Variants in TMC6 observed in about 807,000 individuals in gnomAD.
TMC6 encodes the protein transmembrane channel-like protein 6.
Under a neutral mutation model 95.4 loss-of-function variants are expected in TMC6, and 71 were observed. The observed-to-expected ratio is 0.74, with a 90% confidence interval of 0.61 to 0.91. The LOEUF (loss-of-function observed/expected upper bound fraction) is 0.91. Ranked by LOEUF, TMC6 falls within the 40% of genes least tolerant of loss-of-function variation. The pLI is 0.00. For synonymous variants in TMC6, 514 were observed against 483.1 expected (o/e 1.06, Z -0.84); for missense variants, 1,074 against 1,079.1 (o/e 1.00, Z 0.07).
rs909697182 is a variant in TMC6 at position 78,115,522 on chromosome 17, G to A, written c.2277+1747C>T. ...GGCCGTTCCCCAGGGGAGGGGCCTC[G>A]GGGAGGAGGCCAGGCTGGGTAGCCC... On this transcript the variant is annotated intron_variant, in intron 18 of 19. Coordinates refer to ENST00000590602, the MANE Select transcript of TMC6 (RefSeq NM_001127198.5). Among the ~76,000 whole-genome samples, 5 of 152,298 alleles carry A rather than the reference G, an allele frequency of 3.3e-5. No homozygotes were observed. The East Asian group carries it at 5.8e-4, about 18-fold the overall frequency.
Position 78,113,110 on chromosome 17 carries a change from G to A in TMC6, c.*38C>T, listed in dbSNP as rs2073872494. 1.3e-6 allele frequency: 2 copies of A among 1,549,466 alleles called. No individual in the cohort carries two copies. The highest frequency in any genetic ancestry group is 2.0e-5 in the Admixed American group (1 of 50,950). Reference sequence around the variant, plus strand: ...ACTGGGAGGCAACAGTGTGGTCTCAGGGTGCTGGGCGGGCCCGTGAGGCCC... The same window carrying A: ...ACTGGGAGGCAACAGTGTGGTCTCAAGGTGCTGGGCGGGCCCGTGAGGCCC... On this transcript the variant is annotated 3_prime_UTR_variant, in exon 20 of 20. Transcript: ENST00000590602.
In TMC6 at chr17:78,120,600, CCGGCCACT is replaced by C. The variant is rs754941049; in HGVS notation, c.1715+45_1715+52del. On this transcript the variant is annotated intron_variant, in intron 13 of 19. Coordinates refer to ENST00000590602, the MANE Select transcript of TMC6 (RefSeq NM_001127198.5). ...CCTGAGAACCTCCCGGCCACACGTC[CCGGCCACT>C]AAGGGGAGAACACTCACCACCCAGT... is the stretch of plus-strand genomic sequence containing the variant. 70 of 1,600,354 alleles carry C rather than the reference CCGGCCACT, an allele frequency of 4.4e-5. No homozygotes were observed. In the East Asian group the frequency reaches 8.6e-4, roughly 20 times the overall value.
At chr17:78,120,428 G>A (rs1198418330) in intron 13 of TMC6, 1 of 673,556 alleles carries the variant, frequency 1.5e-6, no homozygotes, top group Non-Finnish European at 2.6e-6. Flanking sequence ...CCAAAGTGCT[G>A]GGATTACAGG....
Position 78,126,903 on chromosome 17 carries a change from C to T in TMC6, c.-71G>A, listed in dbSNP as rs917689804. The T allele has an allele frequency of 6.5e-7, 1 of 1,550,030 alleles. No individual in the cohort carries two copies. The highest frequency in any genetic ancestry group is 1.4e-5 in the African/African-American group (1 of 73,222). On this transcript the variant is annotated 5_prime_UTR_variant, in exon 2 of 20. Transcript: ENST00000590602. ...AGCCTGGGCGCCACCTCCGGAGCCC[C>T]CATCTGATGAGACAGGGGCACAGAG...
rs1050851454 is a variant in TMC6, at chr17:78,107,767, CAAG to C, written c.*5378_*5380del. On this transcript the variant is annotated 3_prime_UTR_variant, in exon 20 of 20. Coordinates refer to ENST00000590602, the MANE Select transcript of TMC6 (RefSeq NM_001127198.5). ...TAACTTCTGTTGTCTGGGACGGCAG[CAAG>C]AAGATGCCGGGGCTTGCCTGGAGTC... is the stretch of plus-strand genomic sequence containing the variant. The C allele has an allele frequency of 1.3e-5, 2 of 152,246 alleles. No homozygotes were observed. Among genetic ancestry groups the C allele is most frequent in the African/African-American group, 4.8e-5 (2 of 41,454 alleles). The allele number at this position is 152,246 out of a possible 1,614,324, so 9.4% of individuals were successfully genotyped here.
intron 18 of TMC6, among the ~76,000 whole-genome samples, chr17:78,115,949 G>C (rs2074084595): frequency 6.6e-6 from 1 of 151,744 alleles, no homozygotes; most frequent in Non-Finnish European, 1.5e-5. Context: ...CTGCCGGGTG[G>C]ACAGTACTCC....
In TMC6 at chr17:78,124,686, G is replaced by A; in HGVS notation, c.729C>T (p.Ser243=). Residue 243 remains serine (S), a synonymous_variant, in exon 8 of 20, where the codon TCC becomes TCT. Coordinates refer to ENST00000590602, the MANE Select transcript of TMC6 (RefSeq NM_001127198.5). The part of the protein sequence containing the change: ...ALKRIGGQFG[S]SVLSYFLFLK... Reference sequence around the variant, plus strand: ...GAAAGAGGAAGTAGGAGAGCACGCTGGAGCCGAACTGGCCCCCGATGCGCT... The same window carrying A: ...GAAAGAGGAAGTAGGAGAGCACGCTAGAGCCGAACTGGCCCCCGATGCGCT... 6.2e-7 allele frequency: 1 copy of A among 1,605,616 alleles called. No homozygotes were observed. Among genetic ancestry groups the A allele is most frequent in the Non-Finnish European group, 8.5e-7 (1 of 1,176,490 alleles).
chr17:78,125,823 C>A lies in TMC6; in HGVS notation c.333G>T (p.Arg111Ser). Residue 111 changes from arginine to serine, a missense_variant, in exon 5 of 20, where the codon AGG becomes AGT. By Grantham distance (110) the Arg-to-Ser change is moderately radical. Coordinates refer to ENST00000590602, the MANE Select transcript of TMC6 (RefSeq NM_001127198.5). ...YYNRTVQLRC[R>S]SSRPLLGNFV... Reference sequence around the variant, plus strand: ...AGTTCCCGAGCAGGGGCCGGCTGCTCCTGCACCGAAGCTGCACCGTGCGGT... The same window carrying A: ...AGTTCCCGAGCAGGGGCCGGCTGCTACTGCACCGAAGCTGCACCGTGCGGT... 1 of 1,555,420 alleles carries A rather than the reference C, an allele frequency of 6.4e-7. No homozygotes were observed. The highest frequency in any genetic ancestry group is 2.4e-5 in the East Asian group (1 of 41,236).
At chr17:78,125,072 C>A (rs1568000522) in intron 6 of TMC6, 86 bp downstream of exon 6, 1 of 1,540,864 alleles carries the variant, frequency 6.5e-7, no homozygotes, top group East Asian at 2.4e-5. Context: ...CGGGCTCAGC[C>A]CCTTCTCCCC....
chr17:78,120,017 A>G (rs1239388466), intron 13 of TMC6: 2 of 392,526 alleles, frequency 5.1e-6, no homozygotes, highest in African/African-American at 2.2e-5. Context: ...AAACACCAAG[A>G]GGAAAAAAAC....
chr17:78,132,424 C>G, upstream of TMC6: 2 of 1,612,836 alleles, frequency 1.2e-6, no homozygotes, highest in Non-Finnish European at 1.7e-6. Flanking sequence ...ACTCAACCTG[C>G]TGAGCCTGCT....
At chr17:78,125,686 C>A in intron 5 of TMC6, 40 bp downstream of exon 5, 1 of 1,550,564 alleles carries the variant, frequency 6.4e-7, no homozygotes, top group South Asian at 1.2e-5. Context: ...CCACCCCAGG[C>A]CGGTGTCCGC....
At chr17:78,114,189 C>A (rs753794080) in intron 18 of TMC6, among the ~76,000 whole-genome samples, 11 of 152,148 alleles carry the variant, frequency 7.2e-5, no homozygotes, top group Non-Finnish European at 1.2e-4. Flanking sequence ...CCTTTTCCAA[C>A]TTCTAGAGGC....
chr17:78,131,460 A>C (rs545665024), upstream of TMC6: 213 of 1,329,616 alleles, frequency 1.6e-4, 3 homozygotes, highest in South Asian at 2.5e-3. Flanking sequence ...CGCAGAGGGG[A>C]CGGAAGGGCC....
At chr17:78,125,353 G>A in intron 5 of TMC6, 90 bp from the exon 6 acceptor site, 2 of 1,196,858 alleles carry the variant, frequency 1.7e-6, no homozygotes, top group South Asian at 2.6e-5. Context: ...GTGTGTCCCT[G>A]CGGCACCGTC....
Position 78,125,718 on chromosome 17 carries a change from T to A in TMC6, c.430+8A>T. The A allele has an allele frequency of 6.4e-7, 1 of 1,562,378 alleles. No individual in the cohort carries two copies. Among genetic ancestry groups the A allele is most frequent in the Non-Finnish European group, 8.7e-7 (1 of 1,153,912 alleles). Reference sequence around the variant, plus strand: ...CCGCCACTGGGGCTCCAGTGCCCACTCACTCACCCTCCTCCTCCAGGGCCG... The same window carrying A: ...CCGCCACTGGGGCTCCAGTGCCCACACACTCACCCTCCTCCTCCAGGGCCG... On this transcript the variant is annotated splice_region_variant and intron_variant, in intron 5 of 19. Transcript: ENST00000590602.
chr17:78,126,593 T>C lies in TMC6; in HGVS notation c.112A>G (p.Ile38Val). Residue 38 changes from isoleucine (I) to valine (V), a missense_variant, in exon 3 of 20, where the codon ATC (isoleucine) becomes GTC (valine). Physicochemically the swap from Ile to Val is conservative, Grantham distance 29. Coordinates refer to ENST00000590602, the MANE Select transcript of TMC6 (RefSeq NM_001127198.5). Reference sequence around the variant, plus strand: ...GCCGTGCACTGGCTCTGCTCCTGGATGAGCTGCTGGAAGGAGTCGTGCACT... The same window carrying C: ...GCCGTGCACTGGCTCTGCTCCTGGACGAGCTGCTGGAAGGAGTCGTGCACT... ...SEVHDSFQQL[I>V]QEQSQCTAQE... 1.2e-6 allele frequency: 2 copies of C among 1,613,632 alleles called. No individual in the cohort carries two copies. Among genetic ancestry groups the C allele is most frequent in the South Asian group, 1.1e-5 (1 of 91,084 alleles).
rs922368751 is a variant in TMC6, at chr17:78,109,058, C to A, written c.*4090G>T. On this transcript the variant is annotated 3_prime_UTR_variant, in exon 20 of 20. Transcript: ENST00000590602. ...GTAGAGATAGGGTCTCACCATGTTGCCCAGGCTGATCTCGAACTGCTGGGA... is the reference window on the plus strand; with the variant it reads ...GTAGAGATAGGGTCTCACCATGTTGACCAGGCTGATCTCGAACTGCTGGGA... 1 of 211,292 alleles carries A rather than the reference C, an allele frequency of 4.7e-6. No homozygotes were observed. Among genetic ancestry groups the A allele is most frequent in the Non-Finnish European group, 9.7e-6 (1 of 102,994 alleles). 13.1% of individuals were successfully genotyped at this position (211,292 alleles called of 1,614,324 possible). A position where few individuals can be genotyped will look rare whatever the true frequency, so the allele number is the denominator to read the frequency against.
intron 18 of TMC6, chr17:78,113,983 C>T (rs750399471): frequency 8.2e-6 from 3 of 367,012 alleles, no homozygotes; most frequent in Non-Finnish European, 1.6e-5. Flanking sequence ...GATAATAACA[C>T]AAGGCACAGG....
Sources: gnomAD v4.1 joint callset for allele counts (sites outside exome capture counted in the v4.1 genomes callset) on GRCh38, gnomAD v4.1.1 for gene constraint, MANE v1.5 for transcripts, NCBI Gene and HGNC (gene_info 2026-07-23, HGNC 2026-07-21) for gene names.